The following MEP1A variants were observed in gnomAD, a reference collection of about 807,000 sequenced individuals.
The protein encoded by MEP1A is meprin A subunit alpha.
Under a neutral mutation model 84.5 loss-of-function variants are expected in MEP1A, and 68 were observed. The observed-to-expected ratio is 0.80, with a 90% CI of 0.66 to 0.98. The LOEUF (loss-of-function observed/expected upper bound fraction) is 0.98, where lower values mean the gene tolerates loss of function less well. MEP1A is among the 50% of genes least tolerant of loss of function. MEP1A has a pLI of 0.00. For synonymous variants in MEP1A, 337 were observed against 336.8 expected (o/e 1.00, Z -0.01); for missense variants, 887 against 919.9 (o/e 0.96, Z 0.46).
At chr6:46,828,957 T>A (rs1291307376) in intron 9 of MEP1A, among the ~76,000 whole-genome samples, 1 of 152,222 alleles carries the variant, frequency 6.6e-6, no homozygotes, top group East Asian at 1.9e-4. Flanking sequence ...AATTCCAGTG[T>A]CTTATACAAC....
Position 46,807,570 on chromosome 6 carries a change from AAGGAAGG to A in MEP1A, c.263-1848_263-1842del, listed in dbSNP as rs1562106682. 5.1e-3 allele frequency among the ~76,000 whole-genome samples: 251 copies of A among 49,584 alleles called. 1 individual carries two copies. Among genetic ancestry groups the A allele is most frequent in the African/African-American group, 0.015 (147 of 9,674 alleles). 32.5% of individuals were successfully genotyped at this position (49,584 alleles called of 152,430 possible). A position where few individuals can be genotyped will look rare whatever the true frequency, so the allele number is the denominator to read the frequency against. On this transcript the variant is annotated intron_variant, in intron 5 of 13. Transcript: ENST00000230588. ...AAAGAAAGAAAGAAAGAAAGAAAGG[AAGGAAGG>A]AAGGAAGGAAGGAAGGAAGGAAGGA...
rs1164947151 is a variant in MEP1A, at chr6:46,839,432, A to C, written c.*296A>C. The C allele has an allele frequency of 3.3e-5, 7 of 211,334 alleles. No individual in the cohort carries two copies. The highest frequency in any genetic ancestry group is 5.6e-5 in the Non-Finnish European group (6 of 106,648). 13.1% of individuals were successfully genotyped at this position (211,334 alleles called of 1,614,324 possible). On this transcript the variant is annotated 3_prime_UTR_variant, in exon 14 of 14. Coordinates refer to ENST00000230588, the MANE Select transcript of MEP1A (RefSeq NM_005588.3). ...CTGTAAGCTCCATGAGGGCAGGCAC[A>C]TGTTGTTCTCATTGACCGTGCTGGC... is the stretch of plus-strand genomic sequence containing the variant.
At position 46,833,276 on chromosome 6, in the gene MEP1A, C is replaced by G. The variant is rs1202900170; in HGVS notation, c.1347C>G (p.Ser449Arg). The G allele has an allele frequency of 1.9e-6, 3 of 1,614,052 alleles. No individual in the cohort carries two copies. The highest frequency in any genetic ancestry group is 1.7e-5 in the Admixed American group (1 of 59,990). The change falls in exon 11 of 14, where the codon AGC becomes AGG. Residue 449 changes from serine (S) to arginine (R), a missense_variant. Transcript: ENST00000230588. ...TCTCCCAAGTCCTTGAGAACACCAGCAAAGGGGACAAGCTTCAGAGCCCTC... is the reference window on the plus strand; with the variant it reads ...TCTCCCAAGTCCTTGAGAACACCAGGAAAGGGGACAAGCTTCAGAGCCCTC... ...RNFSQVLENT[S>R]KGDKLQSPRF...
intron 10 of MEP1A, among the ~76,000 whole-genome samples, chr6:46,832,699 T>A (rs1768103548): frequency 6.6e-6 from 1 of 152,164 alleles, no homozygotes; most frequent in East Asian, 1.9e-4. Flanking sequence ...TACTTTTGGC[T>A]TAGAAAATGG....
rs1337578803 is a variant in MEP1A at position 46,833,405 on chromosome 6, G to A, written c.1476G>A (p.Glu492=). The change falls in exon 11 of 14, where the codon GAG becomes GAA. Residue 492 remains glutamate, a synonymous_variant. Coordinates refer to ENST00000230588, the MANE Select transcript of MEP1A (RefSeq NM_005588.3). ...TTGCTTTTCATGTGTGCAGTGGGGA[G>A]AACGATGCTATCCTGGAGTGGCCGG... is the stretch of plus-strand genomic sequence containing the variant. ...LRLAFHVCSG[E]NDAILEWPVE... is the part of the protein sequence containing the mutation. 1.2e-6 allele frequency: 2 copies of A among 1,614,190 alleles called. No homozygotes were observed. The highest frequency in any genetic ancestry group is 1.7e-6 in the Non-Finnish European group (2 of 1,180,034).
At chr6:46,834,202 C>T (rs1213327257) in intron 11 of MEP1A, among the ~76,000 whole-genome samples, 2 of 151,472 alleles carry the variant, frequency 1.3e-5, no homozygotes, top group African/African-American at 2.4e-5. Context: ...GGATTACAGG[C>T]GTGAGCCACC....
At chr6:46,813,900 G>A (rs770317673) in intron 6 of MEP1A, among the ~76,000 whole-genome samples, 13 of 152,088 alleles carry the variant, frequency 8.5e-5, no homozygotes, top group Admixed American at 1.3e-4. Flanking sequence ...TAGCTTGTAG[G>A]GTTTCTGCTG....
At chr6:46,823,417 G>C (rs540849649) in intron 7 of MEP1A, among the ~76,000 whole-genome samples, 1 of 152,332 alleles carries the variant, frequency 6.6e-6, no homozygotes, top group East Asian at 1.9e-4. Context: ...TTTGAGACCA[G>C]CCTGGCCAAT....
rs768409693 is a variant in MEP1A, at chr6:46,793,414, T to A, written c.16T>A (p.Ser6Thr). The A allele has an allele frequency of 6.3e-7, 1 of 1,595,182 alleles. No homozygotes were observed. Among genetic ancestry groups the A allele is most frequent in the Non-Finnish European group, 8.5e-7 (1 of 1,174,780 alleles). The change falls in exon 1 of 14, where the codon TCC becomes ACC. Residue 6 changes from serine to threonine, a missense_variant. Physicochemically the swap from Ser to Thr is moderately conservative, Grantham distance 58. Coordinates refer to ENST00000230588, the MANE Select transcript of MEP1A (RefSeq NM_005588.3). MAWIR[S>T]TCILFFTLLF... ...ACTTGCAGCAATGGCTTGGATTAGA[T>A]CCACTTGCATTCTCTTTTTTACCTT...
Position 46,835,396 on chromosome 6 carries a change from G to A in MEP1A, c.1931G>A (p.Ser644Asn), listed in dbSNP as rs1172895270. 5 of 1,612,098 alleles carry A rather than the reference G, an allele frequency of 3.1e-6. No homozygotes were observed. Among genetic ancestry groups the A allele is most frequent in the Non-Finnish European group, 4.2e-6 (5 of 1,179,204 alleles). Residue 644 changes from serine to asparagine, a missense_variant, in exon 13 of 14, where the codon AGC becomes AAC. Transcript: ENST00000230588. ...GAGGAAGCCCTACCTGTCAGCCTGA[G>A]CCAGGGGCAGCCCAGCCGACAGAAG... ...MLEEALPVSL[S>N]QGQPSRQKRS...
At position 46,802,387 on chromosome 6, in the gene MEP1A, A is replaced by G. The variant is rs149803303; in HGVS notation, c.262+3206A>G. ...TTACTACATAATGTTTTCTGCTAAT[A>G]TATAAAAATACAATGGATTTTTATA... On this transcript the variant is annotated intron_variant, in intron 5 of 13. Transcript: ENST00000230588. 1.7e-3 allele frequency among the ~76,000 whole-genome samples: 255 copies of G among 152,084 alleles called. 1 individual carries two copies. Among genetic ancestry groups the G allele is most frequent in the Non-Finnish European group, 2.7e-3 (181 of 67,852 alleles).
At chr6:46,804,270 A>G (rs1468240045) in intron 5 of MEP1A, among the ~76,000 whole-genome samples, 1 of 151,708 alleles carries the variant, frequency 6.6e-6, no homozygotes, top group East Asian at 1.9e-4. Flanking sequence ...TTTTGAGGAT[A>G]TTTTAACTGG....
intron 5 of MEP1A, among the ~76,000 whole-genome samples, chr6:46,806,693 T>C (rs775745385): frequency 1.3e-5 from 2 of 152,024 alleles, no homozygotes; most frequent in Non-Finnish European, 2.9e-5. Flanking sequence ...ATACAGACTT[T>C]GGGATGAATC....
At chr6:46,812,286 T>A (rs1448936699) in intron 6 of MEP1A, among the ~76,000 whole-genome samples, 1 of 152,088 alleles carries the variant, frequency 6.6e-6, no homozygotes, top group Non-Finnish European at 1.5e-5. Context: ...CCTTGAATAA[T>A]CTTTCATATT....
intron 6 of MEP1A, among the ~76,000 whole-genome samples, chr6:46,812,303 G>T (rs534170099): frequency 2.6e-5 from 4 of 152,032 alleles, no homozygotes; most frequent in African/African-American, 7.2e-5. Flanking sequence ...TATTTCTGTG[G>T]TATCAGTTGT....
At chr6:46,823,729 C>A (rs1767836308) in intron 7 of MEP1A, among the ~76,000 whole-genome samples, 2 of 152,164 alleles carry the variant, frequency 1.3e-5, no homozygotes, top group African/African-American at 4.8e-5. Context: ...GTTTTCCTAT[C>A]ACTCCACAAG....
intron 6 of MEP1A, among the ~76,000 whole-genome samples, chr6:46,818,064 A>G (rs1263977191): frequency 1.3e-5 from 2 of 152,210 alleles, no homozygotes; most frequent in East Asian, 3.8e-4. Context: ...AGAAAGATGA[A>G]TAATAAATGC....
At chr6:46,841,105 T>C (rs1416602359), downstream of MEP1A, among the ~76,000 whole-genome samples, 1 of 152,232 alleles carries the variant, frequency 6.6e-6, no homozygotes, top group Non-Finnish European at 1.5e-5. Flanking sequence ...CTTAAATACA[T>C]GAGTTTCTCT....
intron 5 of MEP1A, among the ~76,000 whole-genome samples, chr6:46,802,304 A>T (rs969007301): frequency 6.6e-6 from 1 of 151,884 alleles, no homozygotes; most frequent in African/African-American, 2.4e-5. Context: ...TGTCTTTGGT[A>T]AATTCATTTC....
Sources: allele counts gnomAD v4.1 joint callset (sites outside exome capture counted in the v4.1 genomes callset), GRCh38; gene constraint gnomAD v4.1.1; transcripts MANE v1.5; gene names NCBI Gene and HGNC (gene_info 2026-07-23, HGNC 2026-07-21).